BRWD1: variants seen among roughly 807,000 people sequenced by gnomAD.
BRWD1 encodes the protein bromodomain and WD repeat-containing protein 1.
Under a neutral mutation model 251.2 loss-of-function variants are expected in BRWD1, and 82 were observed. That is an observed-to-expected ratio of 0.33 (90% CI 0.27 to 0.39). The LOEUF is 0.39. Among genes scored for constraint, BRWD1 ranks in the 10% least tolerant of loss-of-function variants. The pLI, the probability that BRWD1 is intolerant of heterozygous loss-of-function variation, is 1.00. For missense variants in BRWD1, 2,233 were observed against 2,711.6 expected (o/e 0.82, Z 3.92); for synonymous variants, 918 against 902.8 (o/e 1.02, Z -0.30).
chr21:39,312,421 AGG>A (rs1394795735), intron 4 of BRWD1: 1 of 161,940 alleles, frequency 6.2e-6, no homozygotes, highest in Admixed American at 6.5e-5. Context: ...TTCTATTCCT[AGG>A]GAACAAGTGG....
intron 21 of BRWD1, among the ~76,000 whole-genome samples, chr21:39,239,146 C>CT (rs1213887985): frequency 6.6e-6 from 1 of 151,974 alleles, no homozygotes; most frequent in East Asian, 1.9e-4. Context: ...TCTTTTCATT[C>CT]TTTTAATAGT....
At chr21:39,304,601 G>C (rs1182980865) in intron 4 of BRWD1, among the ~76,000 whole-genome samples, 2 of 133,750 alleles carry the variant, frequency 1.5e-5, no homozygotes, top group East Asian at 4.0e-4. Context: ...GCAACAAAGT[G>C]AGAACTTGTC....
intron 20 of BRWD1, among the ~76,000 whole-genome samples, chr21:39,248,622 AGAGT>A (rs1322852670): frequency 2.4e-5 from 3 of 124,614 alleles, no homozygotes; most frequent in Non-Finnish European, 4.7e-5. Flanking sequence ...AGCCTGGGCA[AGAGT>A]GAGACCCTAT....
intron 4 of BRWD1, among the ~76,000 whole-genome samples, chr21:39,304,957 A>AT (rs36090972): frequency 0.11 from 12,790 of 121,018 alleles, 1,254 homozygotes; most frequent in East Asian, 0.37. Context: ...ATATTTGGAG[A>AT]TTTTTTTTTT....
rs954999262 is a variant in BRWD1 at position 39,186,436 on chromosome 21, T to C, written c.*9823A>G. On this transcript the variant is annotated 3_prime_UTR_variant, in exon 41 of 41. Transcript: ENST00000342449. Reference sequence around the variant, plus strand: ...CTACTTCAGAACTCAATAATCAGTATCTCCAGCTGAAATTCCCAGGTCCTC... The same window carrying C: ...CTACTTCAGAACTCAATAATCAGTACCTCCAGCTGAAATTCCCAGGTCCTC... 6.6e-6 allele frequency: 1 copy of C among 152,240 alleles called. No individual in the cohort carries two copies. Among genetic ancestry groups the C allele is most frequent in the African/African-American group, 2.4e-5 (1 of 41,456 alleles). The allele number at this position is 152,240 out of a possible 1,614,324, so 9.4% of individuals were successfully genotyped here. A position where few individuals can be genotyped will look rare whatever the true frequency, so the allele number is the denominator to read the frequency against.
At chr21:39,312,417 T>C (rs2036517376) in intron 4 of BRWD1, 2 of 161,650 alleles carry the variant, frequency 1.2e-5, no homozygotes, top group South Asian at 2.9e-4. Context: ...ATGATTCTAT[T>C]CCTAGGGAAC....
In BRWD1 at chr21:39,218,664, T is replaced by A; in HGVS notation, c.3383-4A>T. ...CCTAATTCTTCAGGTGGATCAACTA[T>A]GAATACCATAAAAAACAATGAGAGG... On this transcript the variant is annotated splice_region_variant and splice_polypyrimidine_tract_variant and intron_variant, in intron 29 of 40. Coordinates refer to ENST00000342449, the MANE Select transcript of BRWD1 (RefSeq NM_033656.4). 1 of 1,579,460 alleles carries A rather than the reference T, an allele frequency of 6.3e-7. No homozygotes were observed. Among genetic ancestry groups the A allele is most frequent in the Non-Finnish European group, 8.5e-7 (1 of 1,169,850 alleles).
At chr21:39,282,730 G>A (rs1236704231) in intron 8 of BRWD1, among the ~76,000 whole-genome samples, 2 of 152,106 alleles carry the variant, frequency 1.3e-5, no homozygotes, top group Admixed American at 1.3e-4. Context: ...GGCCAAGGCA[G>A]GTGGATCACC....
chr21:39,214,076 G>C (rs2032781454), intron 32 of BRWD1, among the ~76,000 whole-genome samples: 1 of 152,078 alleles, frequency 6.6e-6, no homozygotes, highest in African/African-American at 2.4e-5. Flanking sequence ...AGAACAAGAA[G>C]GTGATTCTGG....
chr21:39,298,093 T>C, intron 5 of BRWD1: 1 of 1,001,682 alleles, frequency 1.0e-6, no homozygotes, highest in Non-Finnish European at 1.2e-6. Context: ...TTAAAGAGTT[T>C]ATTAGACACA....
chr21:39,320,766 G>A (rs1244037553), intron 1 of BRWD1, among the ~76,000 whole-genome samples: 2 of 148,770 alleles, frequency 1.3e-5, no homozygotes, highest in Non-Finnish European at 3.0e-5. Context: ...CGCCTCCCAG[G>A]TTCAAGCAAT....
At chr21:39,318,222 T>G (rs1237375755), upstream of BRWD1, among the ~76,000 whole-genome samples, 1 of 152,066 alleles carries the variant, frequency 6.6e-6, no homozygotes, top group Non-Finnish European at 1.5e-5. Flanking sequence ...TAGAAAATGG[T>G]GACCAAAGAA....
chr21:39,313,554 G>T lies in BRWD1; in HGVS notation c.-63C>A. The stretch of plus-strand genomic sequence containing the variant: ...AGCGGAGCGTGTAGGCCGCGCCGAG[G>T]CCTGACCGGGCTGGCGTCCCCTCTT... On this transcript the variant is annotated 5_prime_UTR_variant, in exon 1 of 41. Coordinates refer to ENST00000342449, the MANE Select transcript of BRWD1 (RefSeq NM_033656.4). 3 of 1,259,282 alleles carry T rather than the reference G, an allele frequency of 2.4e-6. No individual in the cohort carries two copies. The highest frequency in any genetic ancestry group is 3.0e-6 in the Non-Finnish European group (3 of 996,880). 78.0% of individuals were successfully genotyped at this position (1,259,282 alleles called of 1,614,324 possible). A position where few individuals can be genotyped will look rare whatever the true frequency, so the allele number is the denominator to read the frequency against.
At chr21:39,218,319 C>T in intron 30 of BRWD1, 47 bp from the exon 31 acceptor site, 2 of 1,558,222 alleles carry the variant, frequency 1.3e-6, no homozygotes, top group African/African-American at 1.4e-5. Context: ...TCCATTGCCT[C>T]TAAGTGGTAC....
chr21:39,276,147 C>T (rs2035274432), intron 12 of BRWD1, 26 bp downstream of exon 12: 5 of 1,594,104 alleles, frequency 3.1e-6, no homozygotes, highest in Non-Finnish European at 4.3e-6. Context: ...ATAACACACA[C>T]ACACACATAC....
Position 39,313,057 on chromosome 21 carries a change from C to G in BRWD1, c.138+15G>C. On this transcript the variant is annotated intron_variant, in intron 3 of 40. Coordinates refer to ENST00000342449, the MANE Select transcript of BRWD1 (RefSeq NM_033656.4). ...GGAGGAACCCGAGGGAGCGCGGGGA[C>G]GGGCGCGCACAGACCTGGTACTGCT... The G allele has an allele frequency of 7.2e-7, 1 of 1,393,068 alleles. No homozygotes were observed. Among genetic ancestry groups the G allele is most frequent in the Non-Finnish European group, 9.3e-7 (1 of 1,069,888 alleles). The allele number at this position is 1,393,068 out of a possible 1,614,324, so 86.3% of individuals were successfully genotyped here.
intron 4 of BRWD1, among the ~76,000 whole-genome samples, chr21:39,300,557 A>G (rs544472799): frequency 1.3e-5 from 2 of 152,356 alleles, no homozygotes; most frequent in Non-Finnish European, 2.9e-5. Flanking sequence ...CAAAGCTCAG[A>G]GATGATCAAT....
Position 39,191,624 on chromosome 21 carries a change from T to G in BRWD1, c.*4635A>C. 1 of 984,850 alleles carries G rather than the reference T, an allele frequency of 1.0e-6. No individual in the cohort carries two copies. The highest frequency in any genetic ancestry group is 1.2e-6 in the Non-Finnish European group (1 of 829,484). 61.0% of individuals were successfully genotyped at this position (984,850 alleles called of 1,614,324 possible). ...TTGCAGTCCAAGGACTGATTCACAT[T>G]TAGAAAATTAACTTGAATATATCAA... On this transcript the variant is annotated 3_prime_UTR_variant, in exon 41 of 41. Coordinates refer to ENST00000342449, the MANE Select transcript of BRWD1 (RefSeq NM_033656.4).
chr21:39,219,812 T>A (rs1470143640), intron 29 of BRWD1: 1 of 152,238 alleles, frequency 6.6e-6, no homozygotes, highest in Non-Finnish European at 1.5e-5. Flanking sequence ...ATGATTCCTA[T>A]AAGCTTATAA....
Sources: allele counts gnomAD v4.1 joint callset (sites outside exome capture counted in the v4.1 genomes callset), GRCh38; gene constraint gnomAD v4.1.1; transcripts MANE v1.5; gene names NCBI Gene and HGNC (gene_info 2026-07-23, HGNC 2026-07-21).